The following GPC5 variants were observed in gnomAD, a reference collection of about 807,000 sequenced individuals.
GPC5 encodes glypican-5.
A neutral mutation model predicts 53.9 loss-of-function variants in GPC5; 47 were observed. That is an observed-to-expected ratio of 0.87 (90% CI 0.69 to 1.11). The LOEUF (loss-of-function observed/expected upper bound fraction) is 1.11. Among genes scored for constraint, GPC5 ranks in the 50% most tolerant of loss-of-function variants. The pLI, the probability that GPC5 is intolerant of heterozygous loss-of-function variation, is 0.00. For missense variants in GPC5, 748 were observed against 713.1 expected, an observed-to-expected ratio of 1.05 and a Z score of -0.56; for synonymous variants, 286 against 263.3, an observed-to-expected ratio of 1.09 and a Z score of -0.84.
intron 7 of GPC5, among the ~76,000 whole-genome samples, chr13:92,491,544 ACATT>A (rs899936320): frequency 6.6e-6 from 1 of 152,154 alleles, no homozygotes; most frequent in Non-Finnish European, 1.5e-5. Flanking sequence ...CACGTTCTTC[ACATT>A]CATTTGGTCA....
At chr13:92,267,546 C>G (rs1336477586) in intron 7 of GPC5, among the ~76,000 whole-genome samples, 1 of 152,076 alleles carries the variant, frequency 6.6e-6, no homozygotes, top group Admixed American at 6.6e-5. Flanking sequence ...TATACAGTTT[C>G]CAAATCTTAG....
intron 7 of GPC5, among the ~76,000 whole-genome samples, chr13:92,714,256 C>T (rs1223092425): frequency 6.6e-6 from 1 of 152,122 alleles, no homozygotes; most frequent in African/African-American, 2.4e-5. Flanking sequence ...TATTCAATCA[C>T]TTAATGTATA....
chr13:91,848,469 GAAT>G (rs2038876547), intron 5 of GPC5, among the ~76,000 whole-genome samples: 2 of 152,152 alleles, frequency 1.3e-5, no homozygotes, highest in Admixed American at 1.3e-4. Context: ...ATACCTATGG[GAAT>G]ATGACTGGAC....
At chr13:91,507,867 C>G (rs1211593900) in intron 2 of GPC5, among the ~76,000 whole-genome samples, 1 of 152,062 alleles carries the variant, frequency 6.6e-6, no homozygotes, top group Non-Finnish European at 1.5e-5. Flanking sequence ...GCTCTCTTAG[C>G]TTATCAAAAA....
At chr13:92,757,928 T>A (rs1874968206) in intron 7 of GPC5, among the ~76,000 whole-genome samples, 1 of 151,426 alleles carries the variant, frequency 6.6e-6, no homozygotes, top group Non-Finnish European at 1.5e-5. Flanking sequence ...GTGTGGCGAT[T>A]CCTCAGGGAT....
intron 2 of GPC5, among the ~76,000 whole-genome samples, chr13:91,669,119 T>G (rs2035185157): frequency 6.6e-6 from 1 of 152,186 alleles, no homozygotes; most frequent in Non-Finnish European, 1.5e-5. Flanking sequence ...GAAAAGATCA[T>G]GAAATATGGT....
intron 4 of GPC5, among the ~76,000 whole-genome samples, chr13:91,740,873 T>G (rs1224863868): frequency 6.6e-6 from 1 of 152,162 alleles, no homozygotes; most frequent in Non-Finnish European, 1.5e-5. Flanking sequence ...CAAGCTTAAA[T>G]CGGTGATAAT....
intron 7 of GPC5, among the ~76,000 whole-genome samples, chr13:92,559,718 A>G (rs1447211112): frequency 6.6e-6 from 1 of 151,608 alleles, no homozygotes; most frequent in Non-Finnish European, 1.5e-5. Context: ...ACTCAAATAA[A>G]GGCTTGGCCT....
chr13:92,851,049 G>A (rs1433763690), intron 7 of GPC5, among the ~76,000 whole-genome samples: 1 of 152,118 alleles, frequency 6.6e-6, no homozygotes, highest in African/African-American at 2.4e-5. Context: ...AAGGCAAAAA[G>A]GAAGCAGGCA....
At chr13:91,481,080 T>C (rs771391947) in intron 2 of GPC5, among the ~76,000 whole-genome samples, 1 of 152,196 alleles carries the variant, frequency 6.6e-6, no homozygotes, top group Non-Finnish European at 1.5e-5. Context: ...GGCTTCTTTC[T>C]TCATAAGCTC....
intron 7 of GPC5, chr13:92,721,403 C>T (rs1338148596): frequency 2.0e-5 from 3 of 151,988 alleles, no homozygotes; most frequent in Non-Finnish European, 4.4e-5. Context: ...AAAAACCCTC[C>T]AATTTCTAAA....
intron 6 of GPC5, among the ~76,000 whole-genome samples, chr13:91,938,969 G>A (rs1175408634): frequency 6.6e-6 from 1 of 151,938 alleles, no homozygotes; most frequent in Non-Finnish European, 1.5e-5. Context: ...TAGTGCCTGT[G>A]GCAATTGAAC....
At position 92,320,731 on chromosome 13, in the gene GPC5, A is replaced by G. The variant is rs7988215; in HGVS notation, c.1561+175742A>G. Among the ~76,000 whole-genome samples the G allele has an allele frequency of 3.9e-3, 589 of 152,296 alleles. 4 individuals are homozygous for G. The highest frequency in any genetic ancestry group is 0.013 in the African/African-American group (538 of 41,582). On this transcript the variant is annotated intron_variant, in intron 7 of 7. Transcript: ENST00000377067. The stretch of plus-strand genomic sequence containing the variant: ...ATAAGGCAAATGCCAAATCTGATTA[A>G]CAACTAGAAAAACTGTAAGACAGAA...
At chr13:91,426,787 G>A (rs1326876752) in intron 1 of GPC5, among the ~76,000 whole-genome samples, 1 of 152,110 alleles carries the variant, frequency 6.6e-6, no homozygotes, top group African/African-American at 2.4e-5. Context: ...TTGAGGGTGG[G>A]TCTGTCTCTC....
intron 2 of GPC5, among the ~76,000 whole-genome samples, chr13:91,474,843 TC>T (rs1190042581): frequency 6.6e-5 from 10 of 150,436 alleles, no homozygotes; most frequent in Non-Finnish European, 1.5e-4. Flanking sequence ...AGGTATTTTT[TC>T]ATTAATAAAA....
At chr13:92,329,121 T>C (rs1489443210) in intron 7 of GPC5, among the ~76,000 whole-genome samples, 2 of 152,158 alleles carry the variant, frequency 1.3e-5, no homozygotes, top group African/African-American at 2.4e-5. Flanking sequence ...ATAGTCATCC[T>C]TCTTATAACA....
rs1023012047 is a variant in GPC5, at chr13:91,477,045, C to A, written c.325+28123C>A. On this transcript the variant is annotated intron_variant, in intron 2 of 7. Coordinates refer to ENST00000377067, the MANE Select transcript of GPC5 (RefSeq NM_004466.6). ...GCAACATCACTCCATCCTCCTGTGGCTGTGCTATGGAAGCAAGAAAATTAT... is the reference window on the plus strand; with the variant it reads ...GCAACATCACTCCATCCTCCTGTGGATGTGCTATGGAAGCAAGAAAATTAT... Among the ~76,000 whole-genome samples, 9 of 152,186 alleles carry A rather than the reference C, an allele frequency of 5.9e-5. No homozygotes were observed. The East Asian group carries it at 1.5e-3, about 26-fold the overall frequency.
chr13:92,866,442 G>C lies in GPC5; in HGVS notation c.*3G>C. On this transcript the variant is annotated 3_prime_UTR_variant, in exon 8 of 8. Transcript: ENST00000377067. The stretch of plus-strand genomic sequence containing the variant: ...TGTTACTTCCCGGGATTTGGTAACT[G>C]AACTCTTCTGTCCTGACATACCTTA... The C allele has an allele frequency of 1.3e-6, 2 of 1,599,452 alleles. No homozygotes were observed. The highest frequency in any genetic ancestry group is 1.7e-6 in the Non-Finnish European group (2 of 1,171,178).
intron 2 of GPC5, among the ~76,000 whole-genome samples, chr13:91,587,599 T>C (rs938866109): frequency 6.6e-6 from 1 of 152,188 alleles, no homozygotes; most frequent in Non-Finnish European, 1.5e-5. Flanking sequence ...CTTTCTCTTT[T>C]ATGAAACATT....
Sources: gnomAD v4.1 joint callset for allele counts (sites outside exome capture counted in the v4.1 genomes callset) on GRCh38, gnomAD v4.1.1 for gene constraint, MANE v1.5 for transcripts, NCBI Gene and HGNC (gene_info 2026-07-23, HGNC 2026-07-21) for gene names.